Variants in CHN1 observed in about 807,000 individuals in gnomAD.
CHN1 encodes N-chimaerin.
In CHN1, 37 loss-of-function variants were observed where a neutral mutation model predicts 59.5. That is an observed-to-expected ratio of 0.62 (90% CI 0.48 to 0.82). The LOEUF (loss-of-function observed/expected upper bound fraction) is 0.82. CHN1 is among the 40% of genes least tolerant of loss of function. CHN1 has a pLI of 0.00. For missense variants in CHN1, 469 were observed against 571.0 expected, an observed-to-expected ratio of 0.82 and a Z score of 1.82; for synonymous variants, 206 against 200.4, an observed-to-expected ratio of 1.03 and a Z score of -0.24.
At chr2:174,832,434 T>C (rs985822940) in intron 7 of CHN1, among the ~76,000 whole-genome samples, 4 of 152,046 alleles carry the variant, frequency 2.6e-5, no homozygotes, top group African/African-American at 9.7e-5. Context: ...TTTCTAAATA[T>C]AAGCATTTAA....
At chr2:174,964,336 C>T (rs963262933) in intron 1 of CHN1, among the ~76,000 whole-genome samples, 2 of 152,186 alleles carry the variant, frequency 1.3e-5, no homozygotes, top group South Asian at 2.1e-4. Context: ...GTATTATTCT[C>T]TCCTAGAACC....
At chr2:174,816,717 T>A (rs1440473597) in intron 8 of CHN1, among the ~76,000 whole-genome samples, 2 of 152,136 alleles carry the variant, frequency 1.3e-5, no homozygotes, top group Non-Finnish European at 2.9e-5. Context: ...AGTTGATGTA[T>A]ATGTTTTGTC....
chr2:174,883,407 C>T (rs1687793433), intron 5 of CHN1, among the ~76,000 whole-genome samples: 1 of 152,198 alleles, frequency 6.6e-6, no homozygotes. Context: ...CATTTCTCTT[C>T]ACCATGAGGC....
At chr2:174,931,135 A>G (rs961527911) in intron 3 of CHN1, among the ~76,000 whole-genome samples, 12 of 43,730 alleles carry the variant, frequency 2.7e-4, no homozygotes, top group African/African-American at 1.5e-3. Context: ...ATATATGGCA[A>G]AAAAAAAAAA....
chr2:174,939,800 A>G (rs566931725), intron 3 of CHN1, among the ~76,000 whole-genome samples: 10 of 149,820 alleles, frequency 6.7e-5, no homozygotes, highest in African/African-American at 2.5e-4. Context: ...CTCATACTTA[A>G]TTCTATGCTT....
At chr2:174,977,345 G>A (rs1690980295) in intron 1 of CHN1, among the ~76,000 whole-genome samples, 2 of 152,130 alleles carry the variant, frequency 1.3e-5, no homozygotes, top group Admixed American at 6.6e-5. Flanking sequence ...AGTCCAGAGT[G>A]CCATTACCTG....
chr2:174,995,379 C>T (rs1236638496), intron 1 of CHN1, among the ~76,000 whole-genome samples: 1 of 152,202 alleles, frequency 6.6e-6, no homozygotes. Flanking sequence ...CTACACAGCT[C>T]CATCCCACCA....
At chr2:174,981,470 A>G (rs1214600401) in intron 1 of CHN1, among the ~76,000 whole-genome samples, 1 of 152,232 alleles carries the variant, frequency 6.6e-6, no homozygotes, top group Non-Finnish European at 1.5e-5. Context: ...TCTATTTTTC[A>G]TATGACAAAG....
intron 7 of CHN1, among the ~76,000 whole-genome samples, chr2:174,845,387 G>T (rs927291760): frequency 1.1e-4 from 17 of 151,998 alleles, no homozygotes. Context: ...TTTATTTGGG[G>T]TCATTTTCCT....
At chr2:174,889,451 A>T (rs1215166240) in intron 5 of CHN1, among the ~76,000 whole-genome samples, 1 of 152,202 alleles carries the variant, frequency 6.6e-6, no homozygotes, top group Non-Finnish European at 1.5e-5. Flanking sequence ...AAATTCAATG[A>T]TCTACAAGAC....
chr2:175,000,137 ATTTTTT>A (rs71031080), intron 1 of CHN1, among the ~76,000 whole-genome samples: 1 of 111,984 alleles, frequency 8.9e-6, no homozygotes. Flanking sequence ...CACCTGGCTA[ATTTTTT>A]TTTTTTTTTT....
chr2:174,980,978 G>T (rs1691129482), intron 1 of CHN1, among the ~76,000 whole-genome samples: 1 of 152,110 alleles, frequency 6.6e-6, no homozygotes, highest in Admixed American at 6.5e-5. Context: ...TCCATAAAGA[G>T]ATCAGGTTGA....
chr2:175,003,785 A>C (rs1192955895), intron 1 of CHN1, among the ~76,000 whole-genome samples: 1 of 152,224 alleles, frequency 6.6e-6, no homozygotes, highest in East Asian at 1.9e-4. Flanking sequence ...TTCTAGGCTC[A>C]GTTTTGCCAC....
Position 174,799,728 on chromosome 2 carries a change from A to G in CHN1, c.*388T>C. ...CAAGCATCAGAAACCAATGACATAGACCCCAAAAGCAAAGTCACAACAGGC... is the reference window on the plus strand; with the variant it reads ...CAAGCATCAGAAACCAATGACATAGGCCCCAAAAGCAAAGTCACAACAGGC... On this transcript the variant is annotated 3_prime_UTR_variant, in exon 13 of 13. Coordinates refer to ENST00000409900, the MANE Select transcript of CHN1 (RefSeq NM_001822.7). 1 of 536,102 alleles carries G rather than the reference A, an allele frequency of 1.9e-6. No individual in the cohort carries two copies. Among genetic ancestry groups the G allele is most frequent in the Admixed American group, 2.2e-5 (1 of 45,104 alleles). The allele number at this position is 536,102 out of a possible 1,614,324, so 33.2% of individuals were successfully genotyped here.
chr2:174,856,420 C>G (rs1558954506), intron 6 of CHN1, among the ~76,000 whole-genome samples: 1 of 152,130 alleles, frequency 6.6e-6, no homozygotes, highest in Non-Finnish European at 1.5e-5. Context: ...ACTAACACTG[C>G]CACTACCAAA....
At chr2:174,983,157 T>C (rs1047870416) in intron 1 of CHN1, among the ~76,000 whole-genome samples, 2 of 152,230 alleles carry the variant, frequency 1.3e-5, no homozygotes, top group Non-Finnish European at 2.9e-5. Flanking sequence ...AGTACTTACA[T>C]AGATGTGATC....
At chr2:174,844,750 C>T (rs1044497185) in intron 7 of CHN1, among the ~76,000 whole-genome samples, 9 of 152,074 alleles carry the variant, frequency 5.9e-5, no homozygotes, top group African/African-American at 2.2e-4. Context: ...TAGTGCCACC[C>T]CACAGAAACA....
intron 3 of CHN1, among the ~76,000 whole-genome samples, chr2:174,936,976 AATCATTT>A (rs1689516386): frequency 6.6e-6 from 1 of 152,214 alleles, no homozygotes; most frequent in Non-Finnish European, 1.5e-5. Flanking sequence ...TTAATAAAAA[AATCATTT>A]ATATTTTAGT....
chr2:174,955,092 T>C (rs572361900), intron 1 of CHN1, among the ~76,000 whole-genome samples: 3 of 150,494 alleles, frequency 2.0e-5, no homozygotes, highest in Admixed American at 2.0e-4. Context: ...TACATCTATA[T>C]ATCTATATAT....
Sources: allele counts gnomAD v4.1 joint callset (sites outside exome capture counted in the v4.1 genomes callset), GRCh38; gene constraint gnomAD v4.1.1; transcripts MANE v1.5; gene names NCBI Gene and HGNC (gene_info 2026-07-23, HGNC 2026-07-21).